The following APLN variants were observed in gnomAD, a reference collection of about 807,000 sequenced individuals.
The protein encoded by APLN is apelin, also known as AGTRL1 ligand.
Under a neutral mutation model 4.3 loss-of-function variants are expected in APLN, and 2 were observed. The observed-to-expected ratio is 0.46, with a 90% CI of 0.19 to 1.45. The LOEUF is 1.45. Among genes scored for constraint, APLN ranks in the 40% most tolerant of loss-of-function variants. APLN has a pLI of 0.25. For synonymous variants in APLN, 34 were observed against 30.4 expected (o/e 1.12, Z -0.38); for missense variants, 80 against 70.0 (o/e 1.14, Z -0.51).
At chrX:129,648,228 GCT>G (rs1460886362) in intron 2 of APLN, among the ~76,000 whole-genome samples, 2 of 111,667 alleles carry the variant, frequency 1.8e-5, no homozygotes, top group Non-Finnish European at 3.8e-5. Flanking sequence ...AGCCCCTAGA[GCT>G]CTCTGCCTCC....
At chrX:129,648,504 G>A in intron 2 of APLN, 117 bp downstream of exon 2, 1 of 882,375 alleles carries the variant, frequency 1.1e-6, no homozygotes, top group Non-Finnish European at 1.6e-6. Context: ...TGTGAGTGTG[G>A]CGCCAGGACT....
intron 1 of APLN, among the ~76,000 whole-genome samples, chrX:129,651,255 A>G (rs1936977354): frequency 9.1e-6 from 1 of 110,124 alleles, no homozygotes; most frequent in African/African-American, 3.3e-5. Context: ...CATCCCTCCC[A>G]TTGCGTTGGG....
At chrX:129,647,958 T>A (rs749442626) in intron 2 of APLN, 41 bp from the exon 3 acceptor site, 9 of 973,424 alleles carry the variant, frequency 9.2e-6, no homozygotes, top group Admixed American at 3.1e-5. Flanking sequence ...CATGGACATA[T>A]CCTAGGCCAA....
At position 129,647,793 on chromosome X, in the gene APLN, G is replaced by A. The variant is rs753055157; in HGVS notation, c.*130C>T. 4.0e-4 allele frequency: 392 copies of A among 981,013 alleles called. No individual in the cohort carries two copies. Among genetic ancestry groups the A allele is most frequent in the Non-Finnish European group, 4.9e-4 (371 of 755,746 alleles). The allele number at this position is 981,013 out of a possible 1,213,427, so 80.8% of individuals were successfully genotyped here. On this transcript the variant is annotated 3_prime_UTR_variant, in exon 3 of 3. Coordinates refer to ENST00000429967, the MANE Select transcript of APLN (RefSeq NM_017413.5). ...GGAAGCAGGCAGGTGAGAAGAGCTG[G>A]GCCCACTGGTGGCTACAGCAGGTGC...
Position 129,647,875 on chromosome X carries a change from A to G in APLN, c.*48T>C. The G allele has an allele frequency of 1.0e-6, 1 of 983,171 alleles. No individual in the cohort carries two copies. The highest frequency in any genetic ancestry group is 1.3e-6 in the Non-Finnish European group (1 of 756,148). 81.0% of individuals were successfully genotyped at this position (983,171 alleles called of 1,213,427 possible). ...AGAGAAGCAGACCAATCTATGGAGG[A>G]GACATAACCGCCGGGGGTGGGCACT... On this transcript the variant is annotated 3_prime_UTR_variant, in exon 3 of 3. Coordinates refer to ENST00000429967, the MANE Select transcript of APLN (RefSeq NM_017413.5).
At chrX:129,651,725 G>A (rs535549102) in intron 1 of APLN, among the ~76,000 whole-genome samples, 1 of 112,216 alleles carries the variant, frequency 8.9e-6, no homozygotes, top group Non-Finnish European at 1.9e-5. Flanking sequence ...AGGTACTTGC[G>A]ACTTTTCAGG....
At chrX:129,651,894 C>T (rs1342751888) in intron 1 of APLN, among the ~76,000 whole-genome samples, 5 of 112,030 alleles carry the variant, frequency 4.5e-5, no homozygotes, top group Non-Finnish European at 9.4e-5. Context: ...CTTTGTCTGC[C>T]CAGCCCCCCA....
chrX:129,647,967 A>C (rs1569468776), intron 2 of APLN, 50 bp from the exon 3 acceptor site: 2 of 972,188 alleles, frequency 2.1e-6, no homozygotes, highest in East Asian at 1.5e-4. Flanking sequence ...ATCCTAGGCC[A>C]AAGGAACTCC....
At chrX:129,648,508 C>T in intron 2 of APLN, 113 bp downstream of exon 2, 1 of 926,167 alleles carries the variant, frequency 1.1e-6, no homozygotes, top group Non-Finnish European at 1.5e-6. Context: ...AGTGTGGCGC[C>T]AGGACTGTTT....
At position 129,654,836 on chromosome X, in the gene APLN, G is replaced by A. The variant is rs1925014317; in HGVS notation, c.-206C>T. ...CTGCAGCCTCCTCTCCCGCCGCGGG[G>A]CAGCGCCGCGAAGCTGGCCTCGGCG... On this transcript the variant is annotated 5_prime_UTR_variant, in exon 1 of 3. Transcript: ENST00000429967. 9.9e-6 allele frequency: 2 copies of A among 202,737 alleles called. No individual in the cohort carries two copies. The highest frequency in any genetic ancestry group is 3.0e-5 in the African/African-American group (1 of 33,341). 16.7% of individuals were successfully genotyped at this position (202,737 alleles called of 1,213,427 possible).
chrX:129,647,589 G>T lies in APLN; in HGVS notation c.*334C>A. ...ATGAGGAAGGAAGGCCCAAATGAAG[G>T]TTTGGGGCGTTAGATGAGACAGGCA... is the stretch of plus-strand genomic sequence containing the variant. On this transcript the variant is annotated 3_prime_UTR_variant, in exon 3 of 3. Coordinates refer to ENST00000429967, the MANE Select transcript of APLN (RefSeq NM_017413.5). 9 of 966,637 alleles carry T rather than the reference G, an allele frequency of 9.3e-6. No individual in the cohort carries two copies. The highest frequency in any genetic ancestry group is 1.2e-5 in the Non-Finnish European group (9 of 745,651). The allele number at this position is 966,637 out of a possible 1,213,427, so 79.7% of individuals were successfully genotyped here.
chrX:129,650,366 G>A (rs908055743), intron 1 of APLN, among the ~76,000 whole-genome samples: 2 of 110,698 alleles, frequency 1.8e-5, no homozygotes, highest in African/African-American at 6.6e-5. Flanking sequence ...GCCTCCTCTT[G>A]GGCCAAAAGT....
rs1445918415 is a variant in APLN at position 129,647,485 on chromosome X, G to A, written c.*438C>T. 1.9e-6 allele frequency: 1 copy of A among 515,629 alleles called. No individual in the cohort carries two copies. The allele number at this position is 515,629 out of a possible 1,213,427, so 42.5% of individuals were successfully genotyped here. ...GCATTCTTCCCTGGAGGCCAGGTGAGGGGTCCAACTGACAGGAAAACAAGG... is the reference window on the plus strand; with the variant it reads ...GCATTCTTCCCTGGAGGCCAGGTGAAGGGTCCAACTGACAGGAAAACAAGG... On this transcript the variant is annotated 3_prime_UTR_variant, in exon 3 of 3. Transcript: ENST00000429967.
At chrX:129,648,899 T>C in intron 1 of APLN, 107 bp from the exon 2 acceptor site, 1 of 765,716 alleles carries the variant, frequency 1.3e-6, no homozygotes, top group Non-Finnish European at 1.8e-6. Context: ...GTGGCACTTC[T>C]CATAGATTTT....
chrX:129,648,204 G>C (rs1334734180), intron 2 of APLN, among the ~76,000 whole-genome samples: 4 of 111,512 alleles, frequency 3.6e-5, no homozygotes, highest in Non-Finnish European at 7.5e-5. Flanking sequence ...CTGTCCTCTT[G>C]TTCTCTGCCT....
At chrX:129,654,320 G>A (rs1333999382) in intron 1 of APLN, among the ~76,000 whole-genome samples, 1 of 113,426 alleles carries the variant, frequency 8.8e-6, no homozygotes, top group Non-Finnish European at 1.9e-5. Context: ...ACGGTTAGGA[G>A]GGACAAGGTG....
intron 2 of APLN, 115 bp downstream of exon 2, chrX:129,648,506 G>A (rs945799459): frequency 1.5e-5 from 14 of 905,167 alleles, no homozygotes; most frequent in Middle Eastern, 3.1e-4. Flanking sequence ...TGAGTGTGGC[G>A]CCAGGACTGT....
Position 129,654,473 on chromosome X carries a change from G to A in APLN, c.67+91C>T, listed in dbSNP as rs2124451751. On this transcript the variant is annotated intron_variant, in intron 1 of 2. Transcript: ENST00000429967. The stretch of plus-strand genomic sequence containing the variant: ...GGCTGCTACTGCACGGCTCGCGCCG[G>A]GCTCCCCGGGAGGCGGGGAGAGTGC... 3 of 885,372 alleles carry A rather than the reference G, an allele frequency of 3.4e-6. No individual in the cohort carries two copies. In the South Asian group the frequency reaches 8.9e-5, roughly 26 times the overall value. 73.0% of individuals were successfully genotyped at this position (885,372 alleles called of 1,213,427 possible).
intron 1 of APLN, among the ~76,000 whole-genome samples, chrX:129,653,848 T>C: frequency 9.0e-6 from 1 of 110,572 alleles, no homozygotes; most frequent in East Asian, 2.9e-4. Context: ...GAGAACCAAG[T>C]CTCTGGGGGT....
Sources: gnomAD v4.1 joint callset for allele counts (sites outside exome capture counted in the v4.1 genomes callset) on GRCh38, gnomAD v4.1.1 for gene constraint, MANE v1.5 for transcripts, NCBI Gene and HGNC (gene_info 2026-07-23, HGNC 2026-07-21) for gene names.